RAB1A: variants seen among roughly 807,000 people sequenced by gnomAD.
RAB1A encodes the protein RAB1A, member RAS oncogene family.
A neutral mutation model predicts 26.0 loss-of-function variants in RAB1A; 2 were observed. The observed-to-expected ratio is 0.08, with a 90% confidence interval of 0.03 to 0.24. RAB1A has a LOEUF of 0.24. RAB1A is among the 10% of genes least tolerant of loss of function. The pLI is 1.00. For missense variants in RAB1A, 100 were observed against 247.0 expected (o/e 0.40, Z 3.99); for synonymous variants, 84 against 84.9 (o/e 0.99, Z 0.06).
chr2:65,118,058 T>A (rs1046642231), intron 1 of RAB1A, among the ~76,000 whole-genome samples: 1 of 152,210 alleles, frequency 6.6e-6, no homozygotes, highest in African/African-American at 2.4e-5. Context: ...ATTTTCTTCA[T>A]GGGATTATTG....
chr2:65,093,534 CA>C (rs1669217036), intron 3 of RAB1A, among the ~76,000 whole-genome samples: 2 of 151,316 alleles, frequency 1.3e-5, no homozygotes, highest in South Asian at 4.2e-4. Context: ...TCAACAGAAT[CA>C]AGATTTTGAA....
At chr2:65,108,116 T>C (rs1444596181) in intron 1 of RAB1A, among the ~76,000 whole-genome samples, 3 of 148,160 alleles carry the variant, frequency 2.0e-5, no homozygotes, top group South Asian at 2.1e-4. Flanking sequence ...TTAAAAAACA[T>C]GAACGGGGGC....
intron 1 of RAB1A, 105 bp from the exon 2 acceptor site, chr2:65,104,911 T>A: frequency 1.1e-6 from 1 of 943,518 alleles, no homozygotes; most frequent in Non-Finnish European, 1.7e-6. Flanking sequence ...CTGTGAAGAC[T>A]ACATCTCCTA....
At chr2:65,102,871 A>C (rs1275678991) in intron 2 of RAB1A, among the ~76,000 whole-genome samples, 1 of 151,958 alleles carries the variant, frequency 6.6e-6, no homozygotes, top group Non-Finnish European at 1.5e-5. Flanking sequence ...GGTTGCAGTG[A>C]GCCGAGATTG....
rs115705638 is a variant in RAB1A, at chr2:65,116,242, G to C, written c.24-11436C>G. ...AATTTGGGTAGTACCAAAGGAAGCAGCAAGTGACACAAGATGACAAAAGGG... is the reference window on the plus strand; with the variant it reads ...AATTTGGGTAGTACCAAAGGAAGCACCAAGTGACACAAGATGACAAAAGGG... On this transcript the variant is annotated intron_variant, in intron 1 of 5. Coordinates refer to ENST00000409784, the MANE Select transcript of RAB1A (RefSeq NM_004161.5). Among the ~76,000 whole-genome samples, 1,300 of 152,290 alleles carry C rather than the reference G, an allele frequency of 8.5e-3. 13 individuals carry two copies. The highest frequency in any genetic ancestry group is 0.013 in the Non-Finnish European group (895 of 68,012).
chr2:65,122,974 C>CAAAA (rs751246247), intron 1 of RAB1A, among the ~76,000 whole-genome samples: 200 of 34,318 alleles, frequency 5.8e-3, no homozygotes, highest in Non-Finnish European at 7.1e-3. Context: ...CCGTCTCAGA[C>CAAAA]AAAAAAAAAA....
intron 1 of RAB1A, among the ~76,000 whole-genome samples, chr2:65,114,572 G>A (rs1296329979): frequency 2.6e-5 from 4 of 152,154 alleles, no homozygotes; most frequent in Admixed American, 6.5e-5. Flanking sequence ...GGCCGGGCGC[G>A]GTGGCTCACG....
intron 3 of RAB1A, among the ~76,000 whole-genome samples, chr2:65,095,846 TACGAAAAATACAA>T (rs1321087636): frequency 6.6e-6 from 1 of 151,152 alleles, no homozygotes; most frequent in Non-Finnish European, 1.5e-5. Context: ...ATCCCATCTC[TACGAAAAATACAA>T]AAATTATCGG....
chr2:65,119,841 CAAAAAAA>C (rs1178958164), intron 1 of RAB1A, among the ~76,000 whole-genome samples: 39 of 36,418 alleles, frequency 1.1e-3, no homozygotes, highest in South Asian at 9.1e-3. Context: ...CCTGTCTCTA[CAAAAAAA>C]AAAAAAAAAA....
chr2:65,103,299 C>CCAAAAAAAAAA (rs1280376062), intron 2 of RAB1A, among the ~76,000 whole-genome samples: 2 of 44,106 alleles, frequency 4.5e-5, no homozygotes, highest in African/African-American at 1.5e-4. Flanking sequence ...GAATCTGTCT[C>CCAAAAAAAAAA]AAAAAAAAAA....
chr2:65,120,784 A>T (rs960581275), intron 1 of RAB1A, among the ~76,000 whole-genome samples: 4 of 152,228 alleles, frequency 2.6e-5, no homozygotes, highest in African/African-American at 9.6e-5. Flanking sequence ...AATATCTATA[A>T]GGAGAGTAGA....
intron 1 of RAB1A, among the ~76,000 whole-genome samples, chr2:65,108,892 G>A (rs1195511816): frequency 1.3e-5 from 2 of 152,130 alleles, no homozygotes; most frequent in East Asian, 3.8e-4. Context: ...GAAGAATTGA[G>A]TGCTCTGTAT....
chr2:65,102,708 A>G (rs1167487144), intron 2 of RAB1A, among the ~76,000 whole-genome samples: 1 of 151,692 alleles, frequency 6.6e-6, no homozygotes, highest in Non-Finnish European at 1.5e-5. Context: ...CAAGCGGATC[A>G]CGAAGTCAGG....
chr2:65,107,385 T>C (rs1166038117), intron 1 of RAB1A, among the ~76,000 whole-genome samples: 2 of 152,152 alleles, frequency 1.3e-5, no homozygotes, highest in Non-Finnish European at 2.9e-5. Flanking sequence ...TTAAGAATAC[T>C]GAACACTGAA....
chr2:65,105,684 T>A (rs1669538681), intron 1 of RAB1A, among the ~76,000 whole-genome samples: 1 of 152,134 alleles, frequency 6.6e-6, no homozygotes, highest in Non-Finnish European at 1.5e-5. Context: ...ATGTGATAAA[T>A]TCACAGGCTG....
intron 1 of RAB1A, among the ~76,000 whole-genome samples, chr2:65,112,967 G>C (rs1669735965): frequency 6.6e-6 from 1 of 152,158 alleles, no homozygotes; most frequent in African/African-American, 2.4e-5. Flanking sequence ...CCAGCACTTT[G>C]GGAGGCTGAG....
intron 3 of RAB1A, among the ~76,000 whole-genome samples, chr2:65,096,668 C>G (rs1413705327): frequency 6.6e-6 from 1 of 152,184 alleles, no homozygotes; most frequent in East Asian, 1.9e-4. Context: ...GTATTTCAAG[C>G]TATTTCTGAA....
At chr2:65,105,047 T>TC (rs1669521539) in intron 1 of RAB1A, 1 of 593,750 alleles carries the variant, frequency 1.7e-6, no homozygotes, top group Admixed American at 2.8e-5. Flanking sequence ...TCAGTGAACT[T>TC]CCACTTAAAA....
Position 65,130,041 on chromosome 2 carries a change from C to G in RAB1A, c.-126G>C. 9.4e-7 allele frequency: 1 copy of G among 1,062,038 alleles called. No homozygotes were observed. The highest frequency in any genetic ancestry group is 1.4e-6 in the Non-Finnish European group (1 of 708,772). The allele number at this position is 1,062,038 out of a possible 1,614,324, so 65.8% of individuals were successfully genotyped here. ...CTGTTCCGGGAGAGCAAACGTCTTC[C>G]CCTACTCCGTCCCCTAGAACACAAT... On this transcript the variant is annotated 5_prime_UTR_variant, in exon 1 of 6. Coordinates refer to ENST00000409784, the MANE Select transcript of RAB1A (RefSeq NM_004161.5).
Sources: allele counts gnomAD v4.1 joint callset (sites outside exome capture counted in the v4.1 genomes callset), GRCh38; gene constraint gnomAD v4.1.1; transcripts MANE v1.5; gene names NCBI Gene and HGNC (gene_info 2026-07-23, HGNC 2026-07-21).